The following SPATA13 variants were observed in gnomAD, a reference collection of about 807,000 sequenced individuals.
SPATA13 encodes the protein spermatogenesis associated 13.
Under a neutral mutation model 104.0 loss-of-function variants are expected in SPATA13, and 50 were observed. That is an observed-to-expected ratio of 0.48 (90% CI 0.38 to 0.61). SPATA13 has a LOEUF of 0.61. Ranked by LOEUF, SPATA13 falls within the 20% of genes least tolerant of loss-of-function variation. The pLI, the probability that SPATA13 is intolerant of heterozygous loss-of-function variation, is 0.00. For synonymous variants in SPATA13, 606 were observed against 667.5 expected (o/e 0.91, Z 1.42); for missense variants, 1,524 against 1,690.6 (o/e 0.90, Z 1.73).
chr13:24,108,904 G>A (rs1489222245), intron 3 of SPATA13, among the ~76,000 whole-genome samples: 1 of 152,202 alleles, frequency 6.6e-6, no homozygotes, highest in East Asian at 1.9e-4. Flanking sequence ...TTCCAGAAAT[G>A]TTTAAAAATC....
intron 1 of SPATA13, among the ~76,000 whole-genome samples, chr13:23,980,378 C>G (rs1481932147): frequency 1.3e-5 from 2 of 152,232 alleles, no homozygotes; most frequent in East Asian, 1.9e-4. Flanking sequence ...CGAAATCTCC[C>G]GGTGCTCAGC....
At chr13:24,297,304 G>A (rs1876851456) in intron 10 of SPATA13, 59 bp from the exon 11 acceptor site, 2 of 1,542,398 alleles carry the variant, frequency 1.3e-6, no homozygotes, top group Non-Finnish European at 1.7e-6. Context: ...TTCTTAAGTA[G>A]CTAGGACTAC....
At chr13:24,151,877 T>G (rs1371246057) in intron 3 of SPATA13, among the ~76,000 whole-genome samples, 1 of 152,224 alleles carries the variant, frequency 6.6e-6, no homozygotes, top group South Asian at 2.1e-4. Context: ...CTAAGCAGTA[T>G]AGATGCTTGA....
chr13:24,292,865 G>A (rs529435298), intron 9 of SPATA13, among the ~76,000 whole-genome samples: 5 of 151,778 alleles, frequency 3.3e-5, no homozygotes, highest in South Asian at 4.2e-4. Context: ...GCATGGTGGC[G>A]GGCACCTGTA....
At chr13:24,162,513 G>A (rs1243136729) in intron 1 of SPATA13, 1 of 155,846 alleles carries the variant, frequency 6.4e-6, no homozygotes, top group African/African-American at 2.4e-5. Context: ...ATCTCTGCAG[G>A]AGGACTCTGG....
At chr13:24,140,065 T>A (rs1881708770) in intron 3 of SPATA13, among the ~76,000 whole-genome samples, 1 of 135,238 alleles carries the variant, frequency 7.4e-6, no homozygotes, top group Admixed American at 7.4e-5. Flanking sequence ...TGAGACTCCG[T>A]CTCAAAAAAA....
intron 3 of SPATA13, among the ~76,000 whole-genome samples, chr13:24,116,516 TTGCACTCATCTCC>T (rs1368628301): frequency 1.5e-4 from 23 of 152,290 alleles, no homozygotes; most frequent in African/African-American, 5.5e-4. Context: ...GCTTTCTGCC[TTGCACTCATCTCC>T]TGCACTTGAT....
intron 2 of SPATA13, among the ~76,000 whole-genome samples, chr13:23,984,890 C>A (rs1460765433): frequency 3.9e-5 from 6 of 152,202 alleles, no homozygotes; most frequent in African/African-American, 1.4e-4. Context: ...CAAGTCCCTG[C>A]AAGGTAGAAT....
chr13:24,249,362 A>G, intron 2 of SPATA13, 115 bp from the exon 3 acceptor site: 2 of 1,293,206 alleles, frequency 1.5e-6, no homozygotes, highest in Non-Finnish European at 2.1e-6. Flanking sequence ...TTAATAAACA[A>G]GTAAATCAAG....
At chr13:24,077,254 C>T (rs1417035506) in intron 3 of SPATA13, among the ~76,000 whole-genome samples, 1 of 107,530 alleles carries the variant, frequency 9.3e-6, no homozygotes, top group Non-Finnish European at 1.7e-5. Flanking sequence ...CAGAGCGAGA[C>T]TCCATGTCAA....
At chr13:24,249,035 A>G (rs1205371084) in intron 2 of SPATA13, among the ~76,000 whole-genome samples, 1 of 152,046 alleles carries the variant, frequency 6.6e-6, no homozygotes, top group East Asian at 1.9e-4. Context: ...GCGCCCCGCT[A>G]ATTTTTATAT....
chr13:24,289,662 A>G (rs1191984168), intron 8 of SPATA13, among the ~76,000 whole-genome samples: 4 of 152,218 alleles, frequency 2.6e-5, no homozygotes, highest in Admixed American at 6.5e-5. Flanking sequence ...GGCATCTGTG[A>G]AGGCAGACCC....
chr13:24,023,402 T>C (rs906066381), intron 3 of SPATA13, among the ~76,000 whole-genome samples: 22 of 152,192 alleles, frequency 1.4e-4, no homozygotes, highest in Non-Finnish European at 2.9e-5. Context: ...GATACTTTGC[T>C]TTTTATCTTC....
In SPATA13 at chr13:24,208,030, C is replaced by T. The variant is rs116698229; in HGVS notation, c.-111-14789C>T. ...AGGAGTAATTTAGGGAAGTTGGAGC[C>T]GCACTGCCTGATGGGAGCCGCTGAA... is the stretch of plus-strand genomic sequence containing the variant. On this transcript the variant is annotated intron_variant, in intron 1 of 12. Coordinates refer to ENST00000382108, the MANE Select transcript of SPATA13 (RefSeq NM_001166271.3). 4.2e-3 allele frequency among the ~76,000 whole-genome samples: 636 copies of T among 152,310 alleles called. 5 individuals are homozygous for T. The highest frequency in any genetic ancestry group is 0.014 in the African/African-American group (569 of 41,562).
At chr13:24,210,273 C>T (rs909082527) in intron 1 of SPATA13, among the ~76,000 whole-genome samples, 1 of 152,166 alleles carries the variant, frequency 6.6e-6, no homozygotes, top group African/African-American at 2.4e-5. Flanking sequence ...AGCCTTTTAG[C>T]TTGATACAGT....
chr13:24,263,292 C>T (rs1237378477), intron 4 of SPATA13, among the ~76,000 whole-genome samples: 2 of 152,174 alleles, frequency 1.3e-5, no homozygotes, highest in South Asian at 2.1e-4. Flanking sequence ...GTGCCTGTTG[C>T]GTGATAGCAG....
chr13:24,209,405 C>T (rs1350901714), intron 1 of SPATA13, among the ~76,000 whole-genome samples: 2 of 152,124 alleles, frequency 1.3e-5, no homozygotes, highest in African/African-American at 2.4e-5. Context: ...GATGAAAAGA[C>T]AGCTCTTGCC....
At chr13:24,026,560 GTTTA>G (rs1244050649) in intron 3 of SPATA13, among the ~76,000 whole-genome samples, 1 of 152,094 alleles carries the variant, frequency 6.6e-6, no homozygotes, top group Non-Finnish European at 1.5e-5. Flanking sequence ...ACAAACTGCT[GTTTA>G]TTTATTTGTT....
chr13:24,047,015 C>A (rs911608934), intron 3 of SPATA13, among the ~76,000 whole-genome samples: 2 of 152,058 alleles, frequency 1.3e-5, no homozygotes, highest in Admixed American at 6.6e-5. Flanking sequence ...GGTTTCATGG[C>A]TAATTTGGTG....
Sources: allele counts gnomAD v4.1 joint callset (sites outside exome capture counted in the v4.1 genomes callset), GRCh38; gene constraint gnomAD v4.1.1; transcripts MANE v1.5; gene names NCBI Gene and HGNC (gene_info 2026-07-23, HGNC 2026-07-21).